Variants in ZNF423 observed in about 807,000 individuals in gnomAD.
ZNF423 encodes the protein zinc finger protein 423, also known as Ebf-associated zinc finger protein.
ZNF423 carries 12 observed loss-of-function variants against 95.8 expected under a neutral mutation model. That is an observed-to-expected ratio of 0.13 (90% CI 0.08 to 0.20). The LOEUF (loss-of-function observed/expected upper bound fraction) is 0.20, where lower values mean the gene tolerates loss of function less well. ZNF423 is among the 10% of genes least tolerant of loss of function. The probability of loss-of-function intolerance (pLI) is 1.00; values close to 1 mark genes in which losing one functional copy is unlikely to be tolerated. For synonymous variants in ZNF423, 749 were observed against 711.9 expected, an observed-to-expected ratio of 1.05 and a Z score of -0.83; for missense variants, 1,316 against 1,737.1, an observed-to-expected ratio of 0.76 and a Z score of 4.31.
chr16:49,778,161 G>T (rs532747427), intron 2 of ZNF423, among the ~76,000 whole-genome samples: 1 of 152,318 alleles, frequency 6.6e-6, no homozygotes, highest in South Asian at 2.1e-4. Context: ...GCATCAGATA[G>T]CCAGGTTCAG....
intron 5 of ZNF423, among the ~76,000 whole-genome samples, chr16:49,591,553 C>A (rs776144143): frequency 6.6e-6 from 1 of 152,152 alleles, no homozygotes; most frequent in African/African-American, 2.4e-5. Flanking sequence ...TATAACTCCA[C>A]TGGAAGCCAA....
intron 3 of ZNF423, among the ~76,000 whole-genome samples, chr16:49,696,499 G>A (rs898299370): frequency 2.0e-5 from 3 of 152,162 alleles, no homozygotes; most frequent in Admixed American, 1.3e-4. Context: ...CGCTCTCAAG[G>A]TGTTTTTCTA....
chr16:49,493,602 AG>A (rs1967054292), intron 7 of ZNF423, among the ~76,000 whole-genome samples: 1 of 152,150 alleles, frequency 6.6e-6, no homozygotes, highest in South Asian at 2.1e-4. Flanking sequence ...GGGAGGAGGA[AG>A]AGAGGGGACA....
At chr16:49,560,256 A>G (rs1373420910) in intron 5 of ZNF423, among the ~76,000 whole-genome samples, 1 of 152,174 alleles carries the variant, frequency 6.6e-6, no homozygotes, top group African/African-American at 2.4e-5. Context: ...TGAGCATTTT[A>G]GGGAAACTTG....
intron 5 of ZNF423, among the ~76,000 whole-genome samples, chr16:49,526,167 G>T (rs936927411): frequency 3.9e-5 from 6 of 152,156 alleles, no homozygotes; most frequent in African/African-American, 1.4e-4. Context: ...GGTCAGAGAG[G>T]CCACAGGGAT....
chr16:49,837,684 C>A (rs2035135549), intron 1 of ZNF423, among the ~76,000 whole-genome samples: 1 of 152,222 alleles, frequency 6.6e-6, no homozygotes, highest in Non-Finnish European at 1.5e-5. Context: ...AAAACTCCCC[C>A]AGATTTTGTC....
chr16:49,828,033 G>A (rs1347840617), intron 1 of ZNF423, among the ~76,000 whole-genome samples: 1 of 152,172 alleles, frequency 6.6e-6, no homozygotes, highest in Non-Finnish European at 1.5e-5. Context: ...AAGCCATTTC[G>A]TTGACTCTTC....
intron 7 of ZNF423, among the ~76,000 whole-genome samples, chr16:49,499,746 A>G (rs1487417453): frequency 6.6e-6 from 1 of 152,184 alleles, no homozygotes; most frequent in African/African-American, 2.4e-5. Context: ...CTCGCATGAA[A>G]ACGTGGGAGA....
Position 49,638,028 on chromosome 16 carries a change from C to A in ZNF423, c.1148G>T (p.Ser383Ile). 1 of 1,614,098 alleles carries A rather than the reference C, an allele frequency of 6.2e-7. No individual in the cohort carries two copies. Among genetic ancestry groups the A allele is most frequent in the Non-Finnish European group, 8.5e-7 (1 of 1,180,026 alleles). Reference protein sequence around the residue: ...ASMSSATPDSSASVERGSTPD... With the variant: ...ASMSSATPDSIASVERGSTPD... ...GGTGGAGCCACGCTCCACAGAGGCG[C>A]TGGAGTCGGGTGTGGCGCTGCTCAT... The change falls in exon 4 of 8, where the codon AGC becomes ATC. Residue 383 changes from serine (S) to isoleucine (I), a missense_variant. Physicochemically the swap from Ser to Ile is moderately radical, Grantham distance 142. Transcript: ENST00000563137. This position sits in a 1 kb window ranked among gnomAD's most constrained non-coding sequence, Gnocchi z 5.6.
At chr16:49,759,578 T>C (rs949671481) in intron 2 of ZNF423, among the ~76,000 whole-genome samples, 6 of 152,158 alleles carry the variant, frequency 3.9e-5, no homozygotes, top group Admixed American at 2.6e-4. Flanking sequence ...CACATACTCA[T>C]GAAAGTTCTC....
At chr16:49,593,411 G>A (rs1263246475) in intron 5 of ZNF423, among the ~76,000 whole-genome samples, 2 of 151,910 alleles carry the variant, frequency 1.3e-5, no homozygotes, top group African/African-American at 4.8e-5. Context: ...CTCCAGTCTG[G>A]GTGACAGAGT....
chr16:49,501,596 T>A (rs58933371), intron 7 of ZNF423, among the ~76,000 whole-genome samples: 1 of 151,546 alleles, frequency 6.6e-6, no homozygotes, highest in Non-Finnish European at 1.5e-5. Flanking sequence ...TGCAGCACTA[T>A]TGACAGTAGC....
chr16:49,752,594 G>A lies in ZNF423; in HGVS notation c.101-21623C>T, dbSNP rs112207177. Reference sequence around the variant, plus strand: ...CCATAGAGCAAGCAGGCTTGCTCCAGGAGGTCACAGAGCACAGAACAGACC... The same window carrying A: ...CCATAGAGCAAGCAGGCTTGCTCCAAGAGGTCACAGAGCACAGAACAGACC... On this transcript the variant is annotated intron_variant, in intron 2 of 7. Transcript: ENST00000563137. Among the ~76,000 whole-genome samples, 1,156 of 152,354 alleles carry A rather than the reference G, an allele frequency of 7.6e-3. 19 individuals carry two copies. Among genetic ancestry groups the A allele is most frequent in the African/African-American group, 0.027 (1,104 of 41,574 alleles).
At chr16:49,625,298 A>G (rs1204887803) in intron 5 of ZNF423, among the ~76,000 whole-genome samples, 1 of 152,186 alleles carries the variant, frequency 6.6e-6, no homozygotes, top group East Asian at 1.9e-4. Context: ...GGTTGCAGTG[A>G]GCAAAGATTG....
intron 3 of ZNF423, among the ~76,000 whole-genome samples, chr16:49,691,702 A>C (rs760751528): frequency 6.6e-6 from 1 of 151,604 alleles, no homozygotes; most frequent in Non-Finnish European, 1.5e-5. Flanking sequence ...ACTGCACTCC[A>C]GCCTGGGCAA....
intron 5 of ZNF423, among the ~76,000 whole-genome samples, chr16:49,598,908 G>T (rs1329782348): frequency 6.6e-6 from 1 of 152,204 alleles, no homozygotes; most frequent in Non-Finnish European, 1.5e-5. Flanking sequence ...CATTTTGGTA[G>T]GTTCAAAACT....
At chr16:49,600,181 G>T (rs922253762) in intron 5 of ZNF423, among the ~76,000 whole-genome samples, 12 of 151,940 alleles carry the variant, frequency 7.9e-5, no homozygotes, top group Non-Finnish European at 1.8e-4. Flanking sequence ...ACATGGTGGT[G>T]CATGCCTGTA....
At chr16:49,514,999 A>T (rs1321617339) in intron 7 of ZNF423, among the ~76,000 whole-genome samples, 1 of 152,254 alleles carries the variant, frequency 6.6e-6, no homozygotes, top group African/African-American at 2.4e-5. Flanking sequence ...TTCAAGTTCT[A>T]TTCCCCCATG....
At chr16:49,561,920 T>G (rs1970029203) in intron 5 of ZNF423, among the ~76,000 whole-genome samples, 1 of 152,218 alleles carries the variant, frequency 6.6e-6, no homozygotes, top group South Asian at 2.1e-4. Flanking sequence ...GAGGGCTGAT[T>G]GACAATTCAG....
Sources: allele counts gnomAD v4.1 joint callset (sites outside exome capture counted in the v4.1 genomes callset), GRCh38; gene constraint gnomAD v4.1.1; non-coding constraint Gnocchi (gnomAD v3.1); transcripts MANE v1.5; gene names NCBI Gene and HGNC (gene_info 2026-07-23, HGNC 2026-07-21).